AQR: variants seen among roughly 807,000 people sequenced by gnomAD.
The protein encoded by AQR is RNA helicase aquarius.
AQR carries 61 observed loss-of-function variants against 180.5 expected under a neutral mutation model. The observed-to-expected ratio is 0.34, with a 90% confidence interval of 0.28 to 0.42. AQR has a LOEUF of 0.42. Among genes scored for constraint, AQR ranks in the 10% least tolerant of loss-of-function variants. AQR has a pLI of 1.00. For missense variants in AQR, 1,281 were observed against 1,798.3 expected, an observed-to-expected ratio of 0.71 and a Z score of 5.20; for synonymous variants, 551 against 588.8, an observed-to-expected ratio of 0.94 and a Z score of 0.93.
At chr15:34,876,973 A>T (rs1892896680) in intron 27 of AQR, among the ~76,000 whole-genome samples, 1 of 152,176 alleles carries the variant, frequency 6.6e-6, no homozygotes, top group Non-Finnish European at 1.5e-5. Context: ...CTGATCTCAA[A>T]GTACTGAAGT....
intron 7 of AQR, 128 bp from the exon 8 acceptor site, chr15:34,941,127 T>C: frequency 1.9e-6 from 1 of 539,464 alleles, no homozygotes; most frequent in Non-Finnish European, 3.2e-6. Flanking sequence ...AACCTGAAAA[T>C]AACATGACAA....
In AQR at chr15:34,918,337, C is replaced by T. The variant is rs1345709118; in HGVS notation, c.1263G>A (p.Leu421=). The change falls in exon 15 of 35, where the codon TTG becomes TTA. Residue 421 remains leucine (L), a synonymous_variant. Transcript: ENST00000156471. ...CAGTTGGATACAAAGGCATCTGGTT[C>T]AACTGCTGAATCTGAGAAATTCGAC... is the stretch of plus-strand genomic sequence containing the variant. ...HERRISQIQQ[L]NQMPLYPTEK... The T allele has an allele frequency of 6.2e-7, 1 of 1,613,722 alleles. No individual in the cohort carries two copies. Among genetic ancestry groups the T allele is most frequent in the East Asian group, 2.2e-5 (1 of 44,842 alleles).
At chr15:34,883,406 C>T (rs574543654) in intron 26 of AQR, among the ~76,000 whole-genome samples, 1 of 152,066 alleles carries the variant, frequency 6.6e-6, no homozygotes, top group East Asian at 1.9e-4. Context: ...AGGTGAGGTA[C>T]CCTGTATAAC....
At chr15:34,958,892 A>T (rs1234044506) in intron 3 of AQR, among the ~76,000 whole-genome samples, 2 of 152,148 alleles carry the variant, frequency 1.3e-5, no homozygotes, top group Admixed American at 1.3e-4. Context: ...AATTATTCTG[A>T]AATACCAGCC....
chr15:34,859,092 T>G (rs72717427), intron 34 of AQR, among the ~76,000 whole-genome samples: 1 of 152,330 alleles, frequency 6.6e-6, no homozygotes, highest in Non-Finnish European at 1.5e-5. Context: ...AAACTTTTGC[T>G]CTTTGAAAGA....
Position 34,860,118 on chromosome 15 carries a change from T to A in AQR, c.4067A>T (p.Lys1356Ile), listed in dbSNP as rs758025675. ...ERPSHEVQIIKNMPQMANFVY... is the reference protein window; with the variant it reads ...ERPSHEVQIIINMPQMANFVY... ...AAAGTTTGCCATCTGGGGCATATTTTTTATTATTTGTACTTCATGAGATGG... is the reference window on the plus strand; with the variant it reads ...AAAGTTTGCCATCTGGGGCATATTTATTATTATTTGTACTTCATGAGATGG... Residue 1356 changes from lysine (K) to isoleucine (I), a missense_variant, in exon 34 of 35, where the codon AAA becomes ATA. Physicochemically the swap from Lys to Ile is moderately radical, Grantham distance 102 (BLOSUM62 -3). Transcript: ENST00000156471. 6.5e-7 allele frequency: 1 copy of A among 1,531,448 alleles called. No homozygotes were observed. The highest frequency in any genetic ancestry group is 1.4e-5 in the African/African-American group (1 of 73,276). 94.9% of individuals were successfully genotyped at this position (1,531,448 alleles called of 1,614,324 possible). A position where few individuals can be genotyped will look rare whatever the true frequency, so the allele number is the denominator to read the frequency against.
At chr15:34,952,105 A>T (rs1894243429) in intron 4 of AQR, among the ~76,000 whole-genome samples, 1 of 152,220 alleles carries the variant, frequency 6.6e-6, no homozygotes, top group Non-Finnish European at 1.5e-5. Flanking sequence ...TGTATGTAGG[A>T]GTAACAATTA....
chr15:34,961,412 C>A (rs1027306604), intron 2 of AQR, among the ~76,000 whole-genome samples: 1 of 151,888 alleles, frequency 6.6e-6, no homozygotes, highest in Non-Finnish European at 1.5e-5. Context: ...GAGATCAAGA[C>A]CATCCTGGCC....
intron 27 of AQR, among the ~76,000 whole-genome samples, chr15:34,882,269 T>C (rs1892982284): frequency 6.6e-6 from 1 of 152,050 alleles, no homozygotes; most frequent in East Asian, 1.9e-4. Context: ...TTAACAAGTA[T>C]GAGAATTTGG....
intron 25 of AQR, 84 bp downstream of exon 25, chr15:34,886,442 T>G (rs1279805075): frequency 1.3e-5 from 18 of 1,424,134 alleles, no homozygotes; most frequent in East Asian, 4.8e-5. Context: ...TAAGCTTTCA[T>G]GAAGGATCAC....
intron 34 of AQR, among the ~76,000 whole-genome samples, chr15:34,857,594 C>A (rs1892606058): frequency 6.6e-6 from 1 of 151,932 alleles, no homozygotes. Flanking sequence ...TACTAAAAAA[C>A]ACAAAAATTA....
At chr15:34,895,452 G>A (rs559675555) in intron 22 of AQR, among the ~76,000 whole-genome samples, 1 of 151,736 alleles carries the variant, frequency 6.6e-6, no homozygotes, top group Admixed American at 6.6e-5. Context: ...AGTATATGCT[G>A]TTTATAAGAA....
chr15:34,859,782 T>G (rs1892643188), intron 34 of AQR, among the ~76,000 whole-genome samples: 1 of 152,186 alleles, frequency 6.6e-6, no homozygotes, highest in African/African-American at 2.4e-5. Flanking sequence ...CTCTTTATCT[T>G]GACTGTGCTG....
At chr15:34,962,127 T>C (rs2050282974) in intron 2 of AQR, among the ~76,000 whole-genome samples, 1 of 151,202 alleles carries the variant, frequency 6.6e-6, no homozygotes, top group African/African-American at 2.4e-5. Context: ...GTCTCAACTA[T>C]CCTCCAGCCG....
chr15:34,893,574 C>T, intron 23 of AQR, 89 bp downstream of exon 23: 1 of 1,160,090 alleles, frequency 8.6e-7, no homozygotes, highest in South Asian at 1.4e-5. Context: ...CCCTCAACCC[C>T]TAACCTGCAT....
At chr15:34,879,097 T>C (rs1215416881) in intron 27 of AQR, among the ~76,000 whole-genome samples, 2 of 151,776 alleles carry the variant, frequency 1.3e-5, no homozygotes, top group East Asian at 1.9e-4. Flanking sequence ...TAAAAGGTGA[T>C]GAACTGAACA....
intron 31 of AQR, chr15:34,869,045 T>C (rs1003717413): frequency 6.6e-6 from 1 of 152,198 alleles, no homozygotes; most frequent in Non-Finnish European, 1.5e-5. Flanking sequence ...AGTAAGTGCA[T>C]ACTTTATAAG....
At chr15:34,950,807 A>G (rs1894218257) in intron 4 of AQR, among the ~76,000 whole-genome samples, 1 of 152,112 alleles carries the variant, frequency 6.6e-6, no homozygotes, top group South Asian at 2.1e-4. Context: ...TTATTTATAG[A>G]GTTTTCTGCA....
chr15:34,866,433 T>C (rs1892739405), intron 32 of AQR, among the ~76,000 whole-genome samples: 1 of 152,140 alleles, frequency 6.6e-6, no homozygotes, highest in South Asian at 2.1e-4. Flanking sequence ...TCAGGTTTTC[T>C]TTTAACCCTT....
Sources: gnomAD v4.1 joint callset for allele counts (sites outside exome capture counted in the v4.1 genomes callset) on GRCh38, gnomAD v4.1.1 for gene constraint, MANE v1.5 for transcripts, NCBI Gene and HGNC (gene_info 2026-07-23, HGNC 2026-07-21) for gene names.